The following RIN2 variants were observed in gnomAD, a reference collection of about 807,000 sequenced individuals.
RIN2 encodes RAB5 interacting protein 2.
A neutral mutation model predicts 78.0 loss-of-function variants in RIN2; 36 were observed. The observed-to-expected ratio is 0.46, with a 90% CI of 0.35 to 0.61. The LOEUF is 0.61. Among genes scored for constraint, RIN2 ranks in the 20% least tolerant of loss-of-function variants. RIN2 has a pLI of 0.00. For synonymous variants in RIN2, 466 were observed against 466.8 expected (o/e 1.00, Z 0.02); for missense variants, 1,087 against 1,159.7 (o/e 0.94, Z 0.91).
At chr20:19,790,091 A>G (rs182643231) in intron 1 of RIN2, among the ~76,000 whole-genome samples, 2 of 152,270 alleles carry the variant, frequency 1.3e-5, no homozygotes, top group Admixed American at 6.5e-5. Context: ...CTTGAAGGTG[A>G]TCTGGCCTCT....
intron 2 of RIN2, among the ~76,000 whole-genome samples, chr20:19,800,365 T>G (rs1433403949): frequency 6.6e-6 from 1 of 152,164 alleles, no homozygotes; most frequent in Non-Finnish European, 1.5e-5. Flanking sequence ...CTCCAAAACC[T>G]TGCTACTCCT....
chr20:19,901,441 C>T (rs555037026), intron 3 of RIN2, among the ~76,000 whole-genome samples: 6 of 152,200 alleles, frequency 3.9e-5, no homozygotes, highest in Admixed American at 2.6e-4. Context: ...CCCCACCCAG[C>T]GTCGAACACC....
intron 4 of RIN2, among the ~76,000 whole-genome samples, chr20:19,942,174 G>A (rs1374776393): frequency 1.3e-5 from 2 of 151,246 alleles, no homozygotes; most frequent in Non-Finnish European, 2.9e-5. Context: ...TACCATGAGA[G>A]TGGAGCCTGA....
At chr20:19,782,050 CAGTT>C (rs563127963) in intron 1 of RIN2, among the ~76,000 whole-genome samples, 2 of 152,158 alleles carry the variant, frequency 1.3e-5, no homozygotes, top group South Asian at 2.1e-4. Flanking sequence ...AATGACAAGA[CAGTT>C]AACCCTTCCT....
At chr20:19,942,052 A>G (rs1363923217) in intron 4 of RIN2, among the ~76,000 whole-genome samples, 1 of 151,130 alleles carries the variant, frequency 6.6e-6, no homozygotes, top group Non-Finnish European at 1.5e-5. Flanking sequence ...GGAGGTTGTC[A>G]TGAGCCGAGA....
chr20:19,859,167 A>G (rs1207594059), intron 2 of RIN2, among the ~76,000 whole-genome samples: 1 of 152,214 alleles, frequency 6.6e-6, no homozygotes, highest in Non-Finnish European at 1.5e-5. Context: ...AGAGGCACTA[A>G]TTGGCAGGAA....
intron 2 of RIN2, among the ~76,000 whole-genome samples, chr20:19,865,019 T>C (rs1252090409): frequency 3.3e-5 from 5 of 152,224 alleles, no homozygotes; most frequent in Admixed American, 1.3e-4. Flanking sequence ...AAAACCTGAA[T>C]TAGCTTATCC....
At chr20:19,936,691 T>G (rs1049211149) in intron 4 of RIN2, among the ~76,000 whole-genome samples, 3 of 152,302 alleles carry the variant, frequency 2.0e-5, no homozygotes, top group African/African-American at 7.2e-5. Context: ...CGGTGGGTAT[T>G]AGAGTGAGAG....
chr20:19,912,700 A>G (rs1352494485), intron 3 of RIN2, among the ~76,000 whole-genome samples: 2 of 151,926 alleles, frequency 1.3e-5, no homozygotes, highest in Non-Finnish European at 1.5e-5. Flanking sequence ...GCCAGTCTCA[A>G]ACTCCTGAGC....
chr20:19,815,891 C>A (rs1020067205), intron 2 of RIN2, among the ~76,000 whole-genome samples: 3 of 152,154 alleles, frequency 2.0e-5, no homozygotes, highest in African/African-American at 4.8e-5. Flanking sequence ...GAAAGCTTCC[C>A]TTTAGGGGTT....
intron 3 of RIN2, chr20:19,895,626 G>A (rs549791957): frequency 1.1e-4 from 17 of 152,180 alleles, no homozygotes; most frequent in Non-Finnish European, 1.6e-4. Flanking sequence ...CGAACCAACC[G>A]GGGTCATTCA....
chr20:19,961,262 C>A (rs1373388874), intron 6 of RIN2, among the ~76,000 whole-genome samples: 2 of 152,180 alleles, frequency 1.3e-5, no homozygotes, highest in Non-Finnish European at 2.9e-5. Flanking sequence ...TCCCTCCAGG[C>A]AATCAGTGTT....
At chr20:19,791,819 G>T (rs2034896396) in intron 1 of RIN2, among the ~76,000 whole-genome samples, 1 of 152,166 alleles carries the variant, frequency 6.6e-6, no homozygotes, top group South Asian at 2.1e-4. Context: ...TTGTCTTAGT[G>T]CAACTAGCAA....
intron 3 of RIN2, chr20:19,895,635 C>T (rs1420501310): frequency 1.3e-5 from 2 of 152,232 alleles, no homozygotes; most frequent in Non-Finnish European, 2.9e-5. Context: ...CGGGGTCATT[C>T]AAAGGCCCAG....
intron 2 of RIN2, among the ~76,000 whole-genome samples, chr20:19,842,454 C>T (rs1165603867): frequency 7.5e-6 from 1 of 134,140 alleles, no homozygotes; most frequent in Non-Finnish European, 1.5e-5. Flanking sequence ...GTTGGCCAGG[C>T]TGGTCTCGAA....
intron 2 of RIN2, among the ~76,000 whole-genome samples, chr20:19,873,020 G>A (rs1038000631): frequency 1.3e-5 from 2 of 151,470 alleles, no homozygotes; most frequent in African/African-American, 4.9e-5. Flanking sequence ...TGAGGGAAAT[G>A]GTAAAATGTC....
At chr20:19,908,489 T>TCA (rs2039318568) in intron 3 of RIN2, among the ~76,000 whole-genome samples, 1 of 94,200 alleles carries the variant, frequency 1.1e-5, no homozygotes, top group East Asian at 5.7e-4. Context: ...AGACTCCGTC[T>TCA]CAAAAAAAAA....
chr20:19,813,960 T>C (rs1048518369), intron 2 of RIN2, among the ~76,000 whole-genome samples: 1 of 152,226 alleles, frequency 6.6e-6, no homozygotes, highest in East Asian at 1.9e-4. Context: ...TAAAATGCCT[T>C]CCAGATGGGT....
At chr20:19,999,792 C>T (rs2043085527) in intron 12 of RIN2, among the ~76,000 whole-genome samples, 2 of 152,136 alleles carry the variant, frequency 1.3e-5, no homozygotes, top group Non-Finnish European at 2.9e-5. Context: ...TTGTTTAATT[C>T]CCTGCAGCAC....
Sources: gnomAD v4.1 joint callset for allele counts (sites outside exome capture counted in the v4.1 genomes callset) on GRCh38, gnomAD v4.1.1 for gene constraint, MANE v1.5 for transcripts, NCBI Gene and HGNC (gene_info 2026-07-23, HGNC 2026-07-21) for gene names.